BTBD8: variants seen among roughly 807,000 people sequenced by gnomAD.
BTBD8 encodes BTB/POZ domain-containing protein 8.
Under a neutral mutation model 162.9 loss-of-function variants are expected in BTBD8, and 110 were observed. That is an observed-to-expected ratio of 0.68 (90% confidence interval 0.58 to 0.79). The LOEUF (loss-of-function observed/expected upper bound fraction) is 0.79, where lower values mean the gene tolerates loss of function less well. Ranked by LOEUF, BTBD8 falls within the 30% of genes least tolerant of loss-of-function variation. The pLI is 0.00. For missense variants in BTBD8, 1,905 were observed against 2,085.4 expected, an observed-to-expected ratio of 0.91 and a Z score of 1.68; for synonymous variants, 667 against 716.1, an observed-to-expected ratio of 0.93 and a Z score of 1.10.
chr1:92,085,756 G>A (rs1046124741), intron 1 of BTBD8, among the ~76,000 whole-genome samples: 1 of 152,182 alleles, frequency 6.6e-6, no homozygotes, highest in Non-Finnish European at 1.5e-5. Flanking sequence ...AGGCTAGGCA[G>A]GTGGCTTATT....
intron 4 of BTBD8, among the ~76,000 whole-genome samples, chr1:92,119,287 C>CTTTTTTT (rs905843721): frequency 3.0e-5 from 4 of 132,874 alleles, no homozygotes; most frequent in Non-Finnish European, 6.5e-5. Context: ...TTCTTTTTTT[C>CTTTTTTT]TTTTTTTTTT....
intron 1 of BTBD8, among the ~76,000 whole-genome samples, chr1:92,083,455 A>G (rs948285716): frequency 6.6e-6 from 1 of 152,146 alleles, no homozygotes; most frequent in Non-Finnish European, 1.5e-5. Flanking sequence ...GGTTTAGCCC[A>G]TTGTCCATTC....
At chr1:92,119,435 G>C (rs1382067894) in intron 4 of BTBD8, among the ~76,000 whole-genome samples, 2 of 149,210 alleles carry the variant, frequency 1.3e-5, no homozygotes, top group Non-Finnish European at 3.0e-5. Flanking sequence ...ACAGGTGCAC[G>C]CCACCACACC....
Position 92,176,991 on chromosome 1 carries a change from A to G in BTBD8, c.1798A>G (p.Lys600Glu). 2 of 1,547,754 alleles carry G rather than the reference A, an allele frequency of 1.3e-6. No individual in the cohort carries two copies. Among genetic ancestry groups the G allele is most frequent in the Non-Finnish European group, 1.7e-6 (2 of 1,145,454 alleles). ...AAGTACCAATAGAAATAGTATAAAT[A>G]AAACTCTGAAGCAAGATGATGTAAA... Reference protein sequence around the residue: ...SSSTNRNSINKTLKQDDVKEK... With the variant: ...SSSTNRNSINETLKQDDVKEK... Residue 600 changes from lysine to glutamate, a missense_variant, in exon 14 of 18, where the codon AAA becomes GAA. This residue lies in a region of BTBD8 where 1,374 missense variants were observed against 1,442.7 expected (regional missense o/e 0.95). Coordinates refer to ENST00000636805, the MANE Select transcript of BTBD8 (RefSeq NM_001376131.1).
intron 13 of BTBD8, among the ~76,000 whole-genome samples, chr1:92,173,776 A>C (rs77317615): frequency 6.6e-6 from 1 of 152,216 alleles, no homozygotes; most frequent in Non-Finnish European, 1.5e-5. Flanking sequence ...AAAACCTAGC[A>C]GGATTATTGT....
chr1:92,088,855 G>A lies in BTBD8; in HGVS notation c.307G>A (p.Val103Met), dbSNP rs775652130. Residue 103 changes from valine to methionine, a missense_variant, in exon 2 of 18, where the codon GTG becomes ATG. Physicochemically the swap from Val to Met is conservative, Grantham distance 21. Around this residue, in one of 3 missense-constraint regions of BTBD8, gnomAD observed 1,374 missense variants for 1,442.7 expected, o/e 0.95. Coordinates refer to ENST00000636805, the MANE Select transcript of BTBD8 (RefSeq NM_001376131.1). ...TTTAACAAATCAGGAGCCTATTGCT[G>A]TGGAGAATGTTGAAGCTTTAGAATT... is the stretch of plus-strand genomic sequence containing the variant. ...NSLTNQEPIAVENVEALEFRT... is the reference protein window; with the variant it reads ...NSLTNQEPIAMENVEALEFRT... The A allele has an allele frequency of 8.1e-6, 13 of 1,612,454 alleles. No individual in the cohort carries two copies. The highest frequency in any genetic ancestry group is 8.5e-6 in the Non-Finnish European group (10 of 1,179,202).
chr1:92,169,558 G>T (rs912695000), intron 12 of BTBD8, among the ~76,000 whole-genome samples: 8 of 152,008 alleles, frequency 5.3e-5, no homozygotes, highest in African/African-American at 1.9e-4. Flanking sequence ...GATGTATATT[G>T]CTCAGAACAT....
chr1:92,148,327 T>TA (rs1331357120), intron 9 of BTBD8, among the ~76,000 whole-genome samples: 2 of 152,206 alleles, frequency 1.3e-5, no homozygotes, highest in East Asian at 3.8e-4. Flanking sequence ...ATTATCATGA[T>TA]ATTCCACACA....
At chr1:92,153,195 C>T (rs1650087632) in intron 9 of BTBD8, among the ~76,000 whole-genome samples, 1 of 151,894 alleles carries the variant, frequency 6.6e-6, no homozygotes, top group Non-Finnish European at 1.5e-5. Context: ...AAATGAATTT[C>T]ATTTTAAAAA....
At chr1:92,172,286 G>T (rs1012581448) in intron 13 of BTBD8, among the ~76,000 whole-genome samples, 2 of 152,144 alleles carry the variant, frequency 1.3e-5, no homozygotes, top group African/African-American at 4.8e-5. Context: ...AGGGGGAGTT[G>T]TTCAATGAGT....
rs1650935955 is a variant in BTBD8, at chr1:92,182,271, G to A, written c.4588G>A (p.Val1530Ile). ...IDSSRKNKQSVSATEKKNTID... is the reference protein window; with the variant it reads ...IDSSRKNKQSISATEKKNTID... Reference sequence around the variant, plus strand: ...CTCTTCAAGAAAAAATAAACAGAGTGTTTCAGCCACAGAAAAAAAGAACAC... The same window carrying A: ...CTCTTCAAGAAAAAATAAACAGAGTATTTCAGCCACAGAAAAAAAGAACAC... Residue 1530 changes from valine to isoleucine, a missense_variant, in exon 17 of 18, where the codon GTT becomes ATT. Coordinates refer to ENST00000636805, the MANE Select transcript of BTBD8 (RefSeq NM_001376131.1). The A allele has an allele frequency of 1.3e-6, 2 of 1,551,084 alleles. No homozygotes were observed. Among genetic ancestry groups the A allele is most frequent in the Admixed American group, 2.0e-5 (1 of 50,946 alleles).
intron 17 of BTBD8, among the ~76,000 whole-genome samples, chr1:92,183,656 G>A (rs1650986678): frequency 6.6e-6 from 1 of 151,010 alleles, no homozygotes; most frequent in South Asian, 2.1e-4. Context: ...AGTTGCCTAT[G>A]TTGATTTTGC....
intron 2 of BTBD8, among the ~76,000 whole-genome samples, chr1:92,096,643 T>G (rs898003029): frequency 1.3e-5 from 2 of 151,914 alleles, no homozygotes; most frequent in African/African-American, 4.8e-5. Context: ...CTTGAATGCC[T>G]GGACTCAAGT....
intron 2 of BTBD8, among the ~76,000 whole-genome samples, chr1:92,092,779 A>G (rs1442235470): frequency 3.3e-5 from 5 of 152,146 alleles, no homozygotes; most frequent in Non-Finnish European, 5.9e-5. Flanking sequence ...TGTATCTTTT[A>G]TATGTCTAAG....
intron 9 of BTBD8, among the ~76,000 whole-genome samples, chr1:92,159,354 T>G (rs150058618): frequency 3.9e-4 from 59 of 152,098 alleles, no homozygotes; most frequent in African/African-American, 1.3e-3. Context: ...TTTTGTATTT[T>G]TTTGTAGAGA....
intron 1 of BTBD8, among the ~76,000 whole-genome samples, chr1:92,084,687 C>A (rs1428370573): frequency 6.6e-6 from 1 of 152,140 alleles, no homozygotes; most frequent in African/African-American, 2.4e-5. Flanking sequence ...TATGTAAGCC[C>A]CTAATAAAAG....
chr1:92,121,676 A>G (rs7542358), intron 4 of BTBD8, among the ~76,000 whole-genome samples: 90,474 of 151,996 alleles, frequency 0.6, 27,636 homozygotes, highest in East Asian at 0.97. Flanking sequence ...TGTAAGCAAA[A>G]TATAGTGAAT....
rs754400287 is a variant in BTBD8, at chr1:92,183,972, A to G, written c.5021A>G (p.Gln1674Arg). 22 of 1,551,530 alleles carry G rather than the reference A, an allele frequency of 1.4e-5. No homozygotes were observed. The African/African-American group carries it at 3.0e-4, about 21-fold the overall frequency. The part of the protein sequence containing the change: ...YEMDVIEAFE[Q>R]KVESETHVTD... Reference sequence around the variant, plus strand: ...ATGGATGTAATAGAAGCATTTGAGCAGAAAGTGGAATCAGAAACACATGTT... The same window carrying G: ...ATGGATGTAATAGAAGCATTTGAGCGGAAAGTGGAATCAGAAACACATGTT... The change falls in exon 18 of 18, where the codon CAG (glutamine) becomes CGG (arginine). Residue 1674 changes from glutamine to arginine, a missense_variant. Physicochemically the swap from Gln to Arg is conservative, Grantham distance 43. Transcript: ENST00000636805.
intron 4 of BTBD8, among the ~76,000 whole-genome samples, chr1:92,116,057 A>G (rs555157384): frequency 1.3e-5 from 2 of 152,070 alleles, no homozygotes; most frequent in Non-Finnish European, 2.9e-5. Flanking sequence ...TTTTCACTCA[A>G]ATAAATGTAT....
Sources: gnomAD v4.1 joint callset for allele counts (sites outside exome capture counted in the v4.1 genomes callset) on GRCh38, gnomAD v4.1.1 for gene constraint, gnomAD v4.1.1 regional missense constraint, MANE v1.5 for transcripts, NCBI Gene and HGNC (gene_info 2026-07-23, HGNC 2026-07-21) for gene names.